Variants in REXO2 observed in about 807,000 individuals in gnomAD.
The protein encoded by REXO2 is oligoribonuclease, mitochondrial.
REXO2 carries 17 observed loss-of-function variants against 30.9 expected under a neutral mutation model. That is an observed-to-expected ratio of 0.55 (90% confidence interval 0.38 to 0.82). The LOEUF (loss-of-function observed/expected upper bound fraction) is 0.82. Among genes scored for constraint, REXO2 ranks in the 40% least tolerant of loss-of-function variants. REXO2 has a pLI of 0.00. For missense variants in REXO2, 253 were observed against 293.2 expected, an observed-to-expected ratio of 0.86 and a Z score of 1.00; for synonymous variants, 105 against 99.6, an observed-to-expected ratio of 1.05 and a Z score of -0.32.
At chr11:114,443,624 A>G (rs548273931) in intron 2 of REXO2, among the ~76,000 whole-genome samples, 1 of 152,048 alleles carries the variant, frequency 6.6e-6, no homozygotes, top group South Asian at 2.1e-4. Flanking sequence ...CCCTTGATAG[A>G]TATCTGTGTC....
chr11:114,444,517 G>A, intron 3 of REXO2, 24 bp from the exon 4 acceptor site: 1 of 1,541,458 alleles, frequency 6.5e-7, no homozygotes, highest in Non-Finnish European at 8.9e-7. Context: ...TTTTTGGTGG[G>A]GGGCTGGGGA....
chr11:114,442,843 C>T (rs1946487764), intron 2 of REXO2, among the ~76,000 whole-genome samples: 1 of 151,908 alleles, frequency 6.6e-6, no homozygotes, highest in South Asian at 2.1e-4. Flanking sequence ...AATTTGAGGG[C>T]TACTTTGTGT....
At chr11:114,446,725 TTCATTAA>T (rs1946511764) in intron 5 of REXO2, among the ~76,000 whole-genome samples, 1 of 152,142 alleles carries the variant, frequency 6.6e-6, no homozygotes, top group South Asian at 2.1e-4. Context: ...TCCCAAAGCA[TTCATTAA>T]TGCTGGAGTG....
chr11:114,447,162 G>A (rs1475745169), intron 5 of REXO2, among the ~76,000 whole-genome samples: 1 of 152,024 alleles, frequency 6.6e-6, no homozygotes, highest in Non-Finnish European at 1.5e-5. Flanking sequence ...TCCTGACCTC[G>A]TGATCCGCCT....
intron 2 of REXO2, among the ~76,000 whole-genome samples, chr11:114,441,493 C>T (rs1012203119): frequency 6.6e-6 from 1 of 152,198 alleles, no homozygotes; most frequent in Non-Finnish European, 1.5e-5. Context: ...TGCATTTCAG[C>T]CACTCATGAA....
At chr11:114,445,495 G>C (rs1479103551) in intron 4 of REXO2, 1 of 154,528 alleles carries the variant, frequency 6.5e-6, no homozygotes, top group African/African-American at 2.4e-5. Context: ...TGTTTTAAAG[G>C]TCTCATTTAA....
rs1288285862 is a variant in REXO2, at chr11:114,439,566, G to T, written c.38G>T (p.Gly13Val). ...GGSLGSRLLR[G>V]VGGSHGRFGA... is the part of the protein sequence containing the mutation. ...TCCCTGGGCTCCAGGCTGTTGCGGG[G>T]TGTAGGTGGGAGTCACGGACGGTTC... is the stretch of plus-strand genomic sequence containing the variant. The change falls in exon 1 of 7, where the codon GGT becomes GTT. Residue 13 changes from glycine (G) to valine (V), a missense_variant. Coordinates refer to ENST00000265881, the MANE Select transcript of REXO2 (RefSeq NM_015523.4). 1.2e-6 allele frequency: 2 copies of T among 1,609,660 alleles called. No individual in the cohort carries two copies. Among genetic ancestry groups the T allele is most frequent in the Admixed American group, 1.7e-5 (1 of 59,974 alleles).
At chr11:114,441,699 A>G (rs374267159) in intron 2 of REXO2, 17 of 702,106 alleles carry the variant, frequency 2.4e-5, no homozygotes, top group Middle Eastern at 2.3e-4. Flanking sequence ...CACTGGATAC[A>G]TTTCGTAAAT....
chr11:114,449,734 A>G, intron 6 of REXO2, 112 bp from the exon 7 acceptor site: 1 of 1,012,850 alleles, frequency 9.9e-7, no homozygotes, highest in Non-Finnish European at 1.4e-6. Context: ...AGACAGTGAC[A>G]CTTACAGTAA....
chr11:114,446,312 C>A, intron 5 of REXO2: 1 of 351,762 alleles, frequency 2.8e-6, no homozygotes, highest in Middle Eastern at 7.7e-4. Flanking sequence ...ATGCCTGGCA[C>A]AAAATAAGTG....
In REXO2 at chr11:114,447,095, C is replaced by T. The variant is rs578036521; in HGVS notation, c.531-731C>T. Among the ~76,000 whole-genome samples the T allele has an allele frequency of 9.9e-5, 15 of 152,180 alleles. No individual in the cohort carries two copies. The South Asian group carries it at 2.9e-3, about 29-fold the overall frequency. On this transcript the variant is annotated intron_variant, in intron 5 of 6. Transcript: ENST00000265881. Reference sequence around the variant, plus strand: ...CTGGGACTACAGGCGCCCGCCACTGCGCCCGGCTAATTTTTTGTATTTTTA... The same window carrying T: ...CTGGGACTACAGGCGCCCGCCACTGTGCCCGGCTAATTTTTTGTATTTTTA...
At chr11:114,449,729 G>A (rs1373471794) in intron 6 of REXO2, 117 bp from the exon 7 acceptor site, 1 of 967,444 alleles carries the variant, frequency 1.0e-6, no homozygotes, top group Non-Finnish European at 1.5e-6. Context: ...ATGCTAGACA[G>A]TGACACTTAC....
At chr11:114,446,922 T>C (rs1285370943) in intron 5 of REXO2, among the ~76,000 whole-genome samples, 1 of 146,924 alleles carries the variant, frequency 6.8e-6, no homozygotes, top group East Asian at 2.0e-4. Context: ...GGTAGAAAGA[T>C]AGAAAGGAGG....
intron 1 of REXO2, among the ~76,000 whole-genome samples, chr11:114,440,416 T>C (rs893600246): frequency 6.6e-6 from 1 of 152,192 alleles, no homozygotes; most frequent in Non-Finnish European, 1.5e-5. Context: ...TTACTTTGCA[T>C]CTGTCCCGGA....
At chr11:114,449,089 CTAA>C (rs1946529833) in intron 6 of REXO2, 1 of 152,226 alleles carries the variant, frequency 6.6e-6, no homozygotes. Context: ...GCACACTGTT[CTAA>C]TAATCTTGGT....
At chr11:114,449,442 A>T (rs79907376) in intron 6 of REXO2, among the ~76,000 whole-genome samples, 20 of 151,498 alleles carry the variant, frequency 1.3e-4, no homozygotes, top group Admixed American at 1.3e-3. Flanking sequence ...AAAATTAATA[A>T]ATTAGAAATA....
intron 6 of REXO2, chr11:114,449,038 A>G (rs525173): frequency 0.39 from 59,746 of 152,234 alleles, 12,739 homozygotes; most frequent in East Asian, 0.62. Flanking sequence ...ATTCTCTAGA[A>G]GTGGCCCTTG....
At chr11:114,442,819 G>A (rs949039017) in intron 2 of REXO2, among the ~76,000 whole-genome samples, 1 of 152,162 alleles carries the variant, frequency 6.6e-6, no homozygotes, top group African/African-American at 2.4e-5. Flanking sequence ...GATGTTCTAT[G>A]AAATGGAGCT....
intron 6 of REXO2, among the ~76,000 whole-genome samples, chr11:114,448,232 A>G (rs146989022): frequency 4.6e-5 from 7 of 152,334 alleles, no homozygotes; most frequent in Non-Finnish European, 1.0e-4. Context: ...GTGCAATTCT[A>G]TAATACAGTT....
Sources: gnomAD v4.1 joint callset for allele counts (sites outside exome capture counted in the v4.1 genomes callset) on GRCh38, gnomAD v4.1.1 for gene constraint, MANE v1.5 for transcripts, NCBI Gene and HGNC (gene_info 2026-07-23, HGNC 2026-07-21) for gene names.